Variants in LRRC7 observed in about 807,000 individuals in gnomAD.
LRRC7 encodes leucine rich repeat containing 7, also known as leucine-rich repeat-containing protein 7.
In LRRC7, 23 loss-of-function variants were observed where a neutral mutation model predicts 175.7. The observed-to-expected ratio is 0.13, with a 90% CI of 0.09 to 0.19. The LOEUF (loss-of-function observed/expected upper bound fraction) is 0.19. Among genes scored for constraint, LRRC7 ranks in the 10% least tolerant of loss-of-function variants. The pLI, the probability that LRRC7 is intolerant of heterozygous loss-of-function variation, is 1.00. For synonymous variants in LRRC7, 685 were observed against 680.9 expected (o/e 1.01, Z -0.09); for missense variants, 1,354 against 1,904.7 (o/e 0.71, Z 5.38).
chr1:69,837,784 A>G (rs963622798), intron 6 of LRRC7, among the ~76,000 whole-genome samples: 1 of 151,686 alleles, frequency 6.6e-6, no homozygotes. Context: ...GGAAAATGAT[A>G]TTTGTCATTG....
At chr1:69,967,243 C>G (rs1007594378) in intron 8 of LRRC7, among the ~76,000 whole-genome samples, 8 of 152,096 alleles carry the variant, frequency 5.3e-5, no homozygotes, top group African/African-American at 1.9e-4. Context: ...GGGAACATAA[C>G]TCCATGGGAC....
chr1:69,679,445 G>T (rs1038263453), intron 2 of LRRC7, among the ~76,000 whole-genome samples: 1 of 152,058 alleles, frequency 6.6e-6, no homozygotes, highest in African/African-American at 2.4e-5. Flanking sequence ...CAAATGAATT[G>T]TTCTTGTTTT....
chr1:69,882,666 A>T (rs1223781197), intron 7 of LRRC7, among the ~76,000 whole-genome samples: 1 of 149,380 alleles, frequency 6.7e-6, no homozygotes, highest in Admixed American at 6.7e-5. Flanking sequence ...CACATTGTGC[A>T]GGTTAGTTAC....
Position 69,693,203 on chromosome 1 carries a change from A to G in LRRC7, c.100+14725A>G, listed in dbSNP as rs1662114706. ...AATCTCATTGACCCCTTTCTATATA[A>G]ATTGATAGATTAGATATAGATATAG... On this transcript the variant is annotated intron_variant, in intron 2 of 26. Coordinates refer to ENST00000651989, the MANE Select transcript of LRRC7 (RefSeq NM_001370785.2). Among the ~76,000 whole-genome samples the G allele has an allele frequency of 2.0e-5, 3 of 152,084 alleles. No individual in the cohort carries two copies. In the South Asian group the frequency reaches 6.2e-4, roughly 32 times the overall value.
At chr1:69,698,384 C>T (rs760613580) in intron 2 of LRRC7, among the ~76,000 whole-genome samples, 57 of 152,192 alleles carry the variant, frequency 3.7e-4, no homozygotes, top group Non-Finnish European at 5.4e-4. Context: ...TGATATTTGA[C>T]AAAAATGATG....
At chr1:69,734,942 T>A (rs976698537) in intron 2 of LRRC7, among the ~76,000 whole-genome samples, 1 of 151,860 alleles carries the variant, frequency 6.6e-6, no homozygotes. Flanking sequence ...TGTTTCTAGA[T>A]TTTTCAGAAA....
At chr1:70,090,124 G>T (rs58361762) in intron 25 of LRRC7, among the ~76,000 whole-genome samples, 3,659 of 152,188 alleles carry the variant, frequency 0.024, 173 homozygotes, top group African/African-American at 0.085. Context: ...TATTTGTAAA[G>T]AAAGGTATAT....
At chr1:69,737,742 T>C (rs2100841015) in intron 2 of LRRC7, among the ~76,000 whole-genome samples, 1 of 152,204 alleles carries the variant, frequency 6.6e-6, no homozygotes, top group Non-Finnish European at 1.5e-5. Flanking sequence ...CCTGTCCAAG[T>C]GCTGCCTAAT....
intron 7 of LRRC7, among the ~76,000 whole-genome samples, chr1:69,853,419 C>T (rs998899689): frequency 2.0e-5 from 3 of 151,514 alleles, no homozygotes; most frequent in African/African-American, 7.3e-5. Context: ...GCTGGGACTA[C>T]AGGCATGTGC....
chr1:69,896,146 CT>C (rs1264313073), intron 7 of LRRC7, among the ~76,000 whole-genome samples: 5 of 151,196 alleles, frequency 3.3e-5, no homozygotes, highest in Admixed American at 6.6e-5. Context: ...TAGCGTGCTT[CT>C]TTTTTTTAAT....
At chr1:69,774,268 C>A (rs915364145) in intron 3 of LRRC7, among the ~76,000 whole-genome samples, 1 of 152,116 alleles carries the variant, frequency 6.6e-6, no homozygotes, top group Non-Finnish European at 1.5e-5. Flanking sequence ...AAATGTAGAC[C>A]TACCAATTTA....
intron 18 of LRRC7, among the ~76,000 whole-genome samples, chr1:70,030,721 A>G (rs543851926): frequency 1.3e-5 from 2 of 152,378 alleles, no homozygotes; most frequent in East Asian, 3.9e-4. Context: ...CCCCAAAAAA[A>G]GAATAAAGGT....
At chr1:69,674,153 TAA>T (rs1345934269) in intron 1 of LRRC7, among the ~76,000 whole-genome samples, 6 of 152,086 alleles carry the variant, frequency 3.9e-5, no homozygotes, top group Middle Eastern at 3.2e-3. Flanking sequence ...TATTAAAATA[TAA>T]GTGTTAATAT....
chr1:69,878,167 T>C (rs915740325), intron 7 of LRRC7, among the ~76,000 whole-genome samples: 1 of 152,058 alleles, frequency 6.6e-6, no homozygotes, highest in Admixed American at 6.6e-5. Flanking sequence ...TTTGTAAAGA[T>C]TGGACTTCCT....
intron 1 of LRRC7, among the ~76,000 whole-genome samples, chr1:69,603,286 T>C (rs1323501910): frequency 6.6e-6 from 1 of 152,206 alleles, no homozygotes; most frequent in African/African-American, 2.4e-5. Flanking sequence ...TTTGAGGCAA[T>C]TATTCAATCC....
intron 8 of LRRC7, among the ~76,000 whole-genome samples, chr1:69,975,185 T>TCTGCCACTTTGC (rs1652683910): frequency 6.6e-6 from 1 of 152,224 alleles, no homozygotes; most frequent in African/African-American, 2.4e-5. Context: ...ATCATCTTTC[T>TCTGCCACTTTGC]CTGCCACTTT....
chr1:70,128,265 T>C lies in LRRC7; in HGVS notation c.*6378T>C, dbSNP rs972375155. Among the ~76,000 whole-genome samples the C allele has an allele frequency of 6.6e-6, 1 of 152,232 alleles. No homozygotes were observed. The highest frequency in any genetic ancestry group is 6.5e-5 in the Admixed American group (1 of 15,278). ...GCGTGAGCCACTGTGCCCAGCATTTTTTCATTCTTTAAGCTAGCATAGATT... is the reference window on the plus strand; with the variant it reads ...GCGTGAGCCACTGTGCCCAGCATTTCTTCATTCTTTAAGCTAGCATAGATT... On this transcript the variant is annotated 3_prime_UTR_variant, in exon 27 of 27. Coordinates refer to ENST00000651989, the MANE Select transcript of LRRC7 (RefSeq NM_001370785.2).
Position 69,717,223 on chromosome 1 carries a change from T to G in LRRC7, c.100+38745T>G, listed in dbSNP as rs200452049. Among the ~76,000 whole-genome samples, 21 of 151,882 alleles carry G rather than the reference T, an allele frequency of 1.4e-4. 2 individuals are homozygous for G. The East Asian group carries it at 4.1e-3, about 29-fold the overall frequency. ...ATCAAAATTTTATGCATAAATGTTT[T>G]ATATTTAAAATTTTATAGTAGTAGA... On this transcript the variant is annotated intron_variant, in intron 2 of 26. Coordinates refer to ENST00000651989, the MANE Select transcript of LRRC7 (RefSeq NM_001370785.2).
chr1:69,909,965 T>C (rs546141784), intron 7 of LRRC7, among the ~76,000 whole-genome samples: 2 of 152,142 alleles, frequency 1.3e-5, no homozygotes, highest in African/African-American at 4.8e-5. Flanking sequence ...AGGCTTTGTT[T>C]GTTTCTTTTT....
Sources: allele counts gnomAD v4.1 joint callset (sites outside exome capture counted in the v4.1 genomes callset), GRCh38; gene constraint gnomAD v4.1.1; transcripts MANE v1.5; gene names NCBI Gene and HGNC (gene_info 2026-07-23, HGNC 2026-07-21).